The following GAA variants were observed in gnomAD, a reference collection of about 807,000 sequenced individuals.
GAA encodes the protein alpha glucosidase, also known as lysosomal alpha-glucosidase.
A neutral mutation model predicts 103.9 loss-of-function variants in GAA; 88 were observed. The ratio of observed to expected loss-of-function variants is 0.85; its 90% CI spans 0.71 to 1.01. The LOEUF is 1.01. Ranked by LOEUF, GAA falls within the 50% of genes least tolerant of loss-of-function variation. GAA has a pLI of 0.00. For synonymous variants in GAA, 572 were observed against 563.1 expected (o/e 1.02, Z -0.22); for missense variants, 1,350 against 1,305.3 (o/e 1.03, Z -0.53).
chr17:80,107,593 C>G lies in GAA; in HGVS notation c.729C>G (p.Asp243Glu). The G allele has an allele frequency of 6.2e-7, 1 of 1,613,264 alleles. No homozygotes were observed. The highest frequency in any genetic ancestry group is 8.5e-7 in the Non-Finnish European group (1 of 1,179,932). Reference protein sequence around the residue: ...NTTVAPLFFADQFLQLSTSLP... With the variant: ...NTTVAPLFFAEQFLQLSTSLP... ...CGGTGGCGCCCCTGTTCTTTGCGGA[C>G]CAGTTCCTTCAGCTGTCCACCTCGC... Residue 243 changes from aspartate (D) to glutamate (E), a missense_variant, in exon 4 of 20, where the codon GAC becomes GAG. Physicochemically the swap from Asp to Glu is conservative, Grantham distance 45. Transcript: ENST00000302262.
chr17:80,117,681 G>A lies in GAA; in HGVS notation c.2413G>A (p.Val805Met). Residue 805 changes from valine to methionine, a missense_variant, in exon 17 of 20, where the codon GTG becomes ATG. Val to Met is a conservative substitution (Grantham distance 21). Coordinates refer to ENST00000302262, the MANE Select transcript of GAA (RefSeq NM_000152.5). Reference sequence around the variant, plus strand: ...AGCCATCCACAGCGAGGGGCAGTGGGTGACGCTGCCGGCCCCCCTGGACAC... The same window carrying A: ...AGCCATCCACAGCGAGGGGCAGTGGATGACGCTGCCGGCCCCCCTGGACAC... Reference protein sequence around the residue: ...EPAIHSEGQWVTLPAPLDTIN... With the variant: ...EPAIHSEGQWMTLPAPLDTIN... 6.2e-7 allele frequency: 1 copy of A among 1,612,574 alleles called. No individual in the cohort carries two copies. The highest frequency in any genetic ancestry group is 8.5e-7 in the Non-Finnish European group (1 of 1,179,870).
In GAA at chr17:80,119,706, G is replaced by A; in HGVS notation, c.*375G>A. On this transcript the variant is annotated 3_prime_UTR_variant, in exon 20 of 20. Coordinates refer to ENST00000302262, the MANE Select transcript of GAA (RefSeq NM_000152.5). Reference sequence around the variant, plus strand: ...AGGTGGAGGTGTGGGGTATGCACCTGAGCTCCTGCTTCGCGCCTGCTGCTC... The same window carrying A: ...AGGTGGAGGTGTGGGGTATGCACCTAAGCTCCTGCTTCGCGCCTGCTGCTC... The A allele has an allele frequency of 1.9e-5, 6 of 323,396 alleles. No homozygotes were observed. Among genetic ancestry groups the A allele is most frequent in the South Asian group, 1.7e-4 (6 of 36,316 alleles). The allele number at this position is 323,396 out of a possible 1,614,324, so 20.0% of individuals were successfully genotyped here.
intron 15 of GAA, 90 bp from the exon 16 acceptor site, chr17:80,116,878 A>C (rs2039361988): frequency 3.4e-6 from 5 of 1,457,372 alleles, no homozygotes; most frequent in Non-Finnish European, 3.8e-6. Context: ...AGCAGAATTC[A>C]GCCTCTTCCT....
chr17:80,118,518 G>A, intron 18 of GAA, 135 bp from the exon 19 acceptor site: 3 of 1,368,278 alleles, frequency 2.2e-6, no homozygotes, highest in Non-Finnish European at 2.1e-6. Flanking sequence ...CGTGCACTCT[G>A]CCCTTTCGTG....
At position 80,104,636 on chromosome 17, in the gene GAA, CCCT is replaced by C; in HGVS notation, c.52_54del (p.Leu18del). On this transcript the variant is annotated inframe_deletion, in exon 2 of 20. Coordinates refer to ENST00000302262, the MANE Select transcript of GAA (RefSeq NM_000152.5). This position sits in a 1 kb window ranked among gnomAD's most constrained non-coding sequence, Gnocchi z 4.0. ...TCCCACCGGCTCCTGGCCGTCTGCG[CCCT>C]CGTGTCCTTGGCAACCGCTGCACTC... is the stretch of plus-strand genomic sequence containing the variant. The C allele has an allele frequency of 6.2e-7, 1 of 1,613,124 alleles. No individual in the cohort carries two copies. Among genetic ancestry groups the C allele is most frequent in the Non-Finnish European group, 8.5e-7 (1 of 1,179,962 alleles).
chr17:80,117,212 C>G, intron 16 of GAA, 103 bp downstream of exon 16: 2 of 1,301,976 alleles, frequency 1.5e-6, no homozygotes, highest in Non-Finnish European at 2.2e-6. Context: ...GAAAGAGGAA[C>G]GTATGTGTTG....
rs746873847 is a variant in GAA at position 80,117,046 on chromosome 17, C to T, written c.2268C>T (p.Leu756=). 6.2e-7 allele frequency: 1 copy of T among 1,613,620 alleles called. No homozygotes were observed. The highest frequency in any genetic ancestry group is 8.5e-7 in the Non-Finnish European group (1 of 1,180,016). ...WGEALLITPV[L]QAGKAEVTGY... is the part of the protein sequence containing the mutation. ...AGGCCCTGCTCATCACCCCAGTGCT[C>T]CAGGCCGGGAAGGCCGAAGTGACTG... The change falls in exon 16 of 20, where the codon CTC becomes CTT. Residue 756 remains leucine (L), a synonymous_variant. Transcript: ENST00000302262.
chr17:80,116,430 A>C (rs2039353429), intron 15 of GAA, among the ~76,000 whole-genome samples: 1 of 152,228 alleles, frequency 6.6e-6, no homozygotes, highest in Non-Finnish European at 1.5e-5. Context: ...TGCCCCCTGC[A>C]CGTCCGGGGG....
rs1567830544 is a variant in GAA at position 80,108,606 on chromosome 17, TGGTGAGTTGGGGTGGTGGCAGG to T, written c.1194+2_1194+23del. On this transcript the variant is annotated splice_donor_variant and splice_donor_5th_base_variant and coding_sequence_variant and intron_variant, in exon 7 of 20. Transcript: ENST00000302262. LOFTEE classifies it high-confidence loss of function. ...AACATGACCAGGGCCCACTTCCCCCTGGTGAGTTGGGGTGGTGGCAGGGGAGGCAAGGGGCTGGCCGGGACGC... is the reference window on the plus strand; with the variant it reads ...AACATGACCAGGGCCCACTTCCCCCTGGAGGCAAGGGGCTGGCCGGGACGC... 1 of 1,612,606 alleles carries T rather than the reference TGGTGAGTTGGGGTGGTGGCAGG, an allele frequency of 6.2e-7. No homozygotes were observed. Among genetic ancestry groups the T allele is most frequent in the Non-Finnish European group, 8.5e-7 (1 of 1,179,834 alleles).
At chr17:80,112,210 G>A (rs376679441) in intron 12 of GAA, 110 bp downstream of exon 12, 10 of 1,112,562 alleles carry the variant, frequency 9.0e-6, no homozygotes, top group South Asian at 5.0e-5. Flanking sequence ...CAGACCACCC[G>A]GGGCCCGCTG....
chr17:80,110,970 G>A lies in GAA; in HGVS notation c.1581G>A (p.Arg527=), dbSNP rs1042396. 0.26 allele frequency: 415,305 copies of A among 1,613,658 alleles called. 56,191 individuals are homozygous for A. The highest frequency in any genetic ancestry group is 0.28 in the Non-Finnish European group (331,786 of 1,179,854). ...TGAACGAGCCTTCCAACTTCATCAG[G>A]GGCTCTGAGGACGGCTGCCCCAACA... ...IDMNEPSNFI[R]GSEDGCPNNE... is the part of the protein sequence containing the mutation. The change falls in exon 11 of 20, where the codon AGG becomes AGA. Residue 527 remains arginine, a synonymous_variant. Coordinates refer to ENST00000302262, the MANE Select transcript of GAA (RefSeq NM_000152.5).
Position 80,104,911 on chromosome 17 carries a change from T to C in GAA, c.325T>C (p.Cys109Arg), listed in dbSNP as rs929134563. ...GGAACAGTGCGAGGCCCGCGGCTGT[T>C]GCTACATCCCTGCAAAGCAGGGGCT... Reference protein sequence around the residue: ...TQEQCEARGCCYIPAKQGLQG... With the variant: ...TQEQCEARGCRYIPAKQGLQG... Residue 109 changes from cysteine (C) to arginine (R), a missense_variant, in exon 2 of 20, where the codon TGC becomes CGC. Coordinates refer to ENST00000302262, the MANE Select transcript of GAA (RefSeq NM_000152.5). This position sits in a 1 kb window ranked among gnomAD's most constrained non-coding sequence, Gnocchi z 4.0. 3 of 1,612,416 alleles carry C rather than the reference T, an allele frequency of 1.9e-6. No individual in the cohort carries two copies. The highest frequency in any genetic ancestry group is 2.5e-6 in the Non-Finnish European group (3 of 1,179,812).
intron 3 of GAA, 53 bp downstream of exon 3, chr17:80,105,947 A>G (rs1443590418): frequency 1.3e-6 from 2 of 1,547,160 alleles, no homozygotes; most frequent in Non-Finnish European, 1.7e-6. Context: ...CGCATTTCTC[A>G]CACGGCAGGG....
intron 12 of GAA, 51 bp downstream of exon 12, chr17:80,112,151 C>CA (rs2039252224): frequency 1.3e-6 from 2 of 1,550,552 alleles, no homozygotes; most frequent in South Asian, 1.1e-5. Flanking sequence ...GCCTGTCCTA[C>CA]AAGGTTGGGG....
intron 19 of GAA, 72 bp downstream of exon 19, chr17:80,118,877 T>C (rs2039420742): frequency 6.4e-7 from 1 of 1,563,016 alleles, no homozygotes; most frequent in African/African-American, 1.4e-5. Context: ...GTGCTGGGCG[T>C]CCTGGTGACC....
rs745642331 is a variant in GAA, at chr17:80,108,585, T to C, written c.1172T>C (p.Met391Thr). The change falls in exon 7 of 20, where the codon ATG (methionine) becomes ACG (threonine). Residue 391 changes from methionine (M) to threonine (T), a missense_variant. Transcript: ENST00000302262. ...TAITRQVVEN[M>T]TRAHFPLDVQ... is the part of the protein sequence containing the mutation. ...ATCACCCGCCAGGTGGTGGAGAACA[T>C]GACCAGGGCCCACTTCCCCCTGGTG... The C allele has an allele frequency of 1.2e-6, 2 of 1,612,804 alleles. No homozygotes were observed. Among genetic ancestry groups the C allele is most frequent in the South Asian group, 2.2e-5 (2 of 91,054 alleles).
At position 80,104,980 on chromosome 17, in the gene GAA, A is replaced by G; in HGVS notation, c.394A>G (p.Ser132Gly). 1.2e-6 allele frequency: 2 copies of G among 1,612,766 alleles called. No individual in the cohort carries two copies. The highest frequency in any genetic ancestry group is 1.6e-4 in the Middle Eastern group (1 of 6,062). Residue 132 changes from serine (S) to glycine (G), a missense_variant, in exon 2 of 20, where the codon AGC becomes GGC. By Grantham distance (56) the Ser-to-Gly change is moderately conservative. Transcript: ENST00000302262. This position sits in a 1 kb window ranked among gnomAD's most constrained non-coding sequence, Gnocchi z 4.0. ...MGQPWCFFPPSYPSYKLENLS... is the reference protein window; with the variant it reads ...MGQPWCFFPPGYPSYKLENLS... The stretch of plus-strand genomic sequence containing the variant: ...GCAGCCCTGGTGCTTCTTCCCACCC[A>G]GCTACCCCAGCTACAAGCTGGAGAA...
intron 15 of GAA, among the ~76,000 whole-genome samples, chr17:80,114,721 C>T (rs2039325462): frequency 6.6e-6 from 1 of 152,126 alleles, no homozygotes; most frequent in African/African-American, 2.4e-5. Context: ...GATGTAGTTA[C>T]CTTTACCCAT....
At chr17:80,101,975 C>T (rs999621900) in intron 1 of GAA, 85 bp downstream of exon 1, 1 of 152,496 alleles carries the variant, frequency 6.6e-6, no homozygotes, top group Non-Finnish European at 1.5e-5. Context: ...CCCCCAGCCT[C>T]TTCCCCTGAG....
Sources: gnomAD v4.1 joint callset for allele counts (sites outside exome capture counted in the v4.1 genomes callset) on GRCh38, gnomAD v4.1.1 for gene constraint, Gnocchi (gnomAD v3.1) non-coding constraint, MANE v1.5 for transcripts, NCBI Gene and HGNC (gene_info 2026-07-23, HGNC 2026-07-21) for gene names.